LRFN2: variants seen among roughly 807,000 people sequenced by gnomAD.
The protein encoded by LRFN2 is leucine rich repeat and fibronectin type III domain containing 2.
A neutral mutation model predicts 37.3 loss-of-function variants in LRFN2; 18 were observed. That is an observed-to-expected ratio of 0.48 (90% CI 0.33 to 0.72). LRFN2 has a LOEUF of 0.72. Ranked by LOEUF, LRFN2 falls within the 30% of genes least tolerant of loss-of-function variation. LRFN2 has a pLI of 0.02. For synonymous variants in LRFN2, 556 were observed against 466.6 expected (o/e 1.19, Z -2.47); for missense variants, 1,006 against 1,060.7 (o/e 0.95, Z 0.72).
At chr6:40,428,935 C>G (rs962025090) in intron 2 of LRFN2, among the ~76,000 whole-genome samples, 1 of 152,124 alleles carries the variant, frequency 6.6e-6, no homozygotes, top group Non-Finnish European at 1.5e-5. Context: ...TGATGCTAGT[C>G]TTATTTTATA....
chr6:40,529,103 G>A (rs1242031947), intron 1 of LRFN2, among the ~76,000 whole-genome samples: 1 of 152,160 alleles, frequency 6.6e-6, no homozygotes, highest in Non-Finnish European at 1.5e-5. Flanking sequence ...AGATGCTTAA[G>A]GTCACTGCCC....
intron 2 of LRFN2, among the ~76,000 whole-genome samples, chr6:40,403,709 G>A (rs1762789161): frequency 6.6e-6 from 1 of 152,180 alleles, no homozygotes; most frequent in African/African-American, 2.4e-5. Context: ...CTCTGGGTCT[G>A]GGTGTCCTTC....
intron 1 of LRFN2, among the ~76,000 whole-genome samples, chr6:40,461,077 G>C (rs1764338140): frequency 6.6e-6 from 1 of 152,104 alleles, no homozygotes; most frequent in African/African-American, 2.4e-5. Flanking sequence ...CAAGCATCTG[G>C]AAACAGCATT....
intron 1 of LRFN2, among the ~76,000 whole-genome samples, chr6:40,560,656 T>C (rs1471693674): frequency 6.6e-6 from 1 of 152,172 alleles, no homozygotes; most frequent in Non-Finnish European, 1.5e-5. Context: ...CGGTTGGTCA[T>C]GGAATCAATG....
chr6:40,484,958 A>G (rs1764920419), intron 1 of LRFN2, among the ~76,000 whole-genome samples: 2 of 152,238 alleles, frequency 1.3e-5, no homozygotes, highest in South Asian at 4.1e-4. Context: ...GAGTTCAAAT[A>G]TAGAGTCAAA....
chr6:40,403,320 A>AG (rs5875717), intron 2 of LRFN2, among the ~76,000 whole-genome samples: 147,954 of 152,234 alleles, frequency 0.97, 72,023 homozygotes, highest in East Asian at 1. Flanking sequence ...TAATGGGGGA[A>AG]GCACATGTCT....
At chr6:40,536,368 A>G (rs897922973) in intron 1 of LRFN2, among the ~76,000 whole-genome samples, 1 of 152,198 alleles carries the variant, frequency 6.6e-6, no homozygotes, top group Admixed American at 6.5e-5. Context: ...AGTCTGAGAG[A>G]AGAGTCAAAG....
At chr6:40,396,078 T>C (rs1762608518) in intron 2 of LRFN2, among the ~76,000 whole-genome samples, 1 of 107,586 alleles carries the variant, frequency 9.3e-6, no homozygotes, top group African/African-American at 3.4e-5. Context: ...CTACTACTAA[T>C]AGCAACAAAA....
intron 1 of LRFN2, among the ~76,000 whole-genome samples, chr6:40,484,151 C>T (rs552254215): frequency 3.0e-4 from 45 of 152,284 alleles, no homozygotes; most frequent in Admixed American, 3.3e-4. Flanking sequence ...GAGACAGTAC[C>T]AACTGCCTCC....
chr6:40,550,390 G>A (rs1358061440), intron 1 of LRFN2, among the ~76,000 whole-genome samples: 1 of 152,184 alleles, frequency 6.6e-6, no homozygotes, highest in Non-Finnish European at 1.5e-5. Context: ...ACATTGTCAA[G>A]CCTGGCTGGC....
chr6:40,456,054 C>T (rs1214177652), intron 1 of LRFN2, among the ~76,000 whole-genome samples: 5 of 152,080 alleles, frequency 3.3e-5, no homozygotes, highest in African/African-American at 7.2e-5. Context: ...AGGAGAGACC[C>T]GCAGGTTGAC....
At chr6:40,461,576 C>A (rs185515295) in intron 1 of LRFN2, among the ~76,000 whole-genome samples, 159 of 147,134 alleles carry the variant, frequency 1.1e-3, no homozygotes, top group African/African-American at 3.6e-3. Flanking sequence ...CCAGCCACCC[C>A]CCTCCCCCCG....
intron 1 of LRFN2, among the ~76,000 whole-genome samples, chr6:40,503,794 G>C (rs1212160347): frequency 1.3e-5 from 2 of 152,126 alleles, no homozygotes; most frequent in African/African-American, 2.4e-5. Context: ...GACGAGGTTG[G>C]TGGTAGAGTC....
intron 1 of LRFN2, among the ~76,000 whole-genome samples, chr6:40,534,088 A>G (rs1020868759): frequency 3.9e-5 from 6 of 152,234 alleles, no homozygotes; most frequent in Non-Finnish European, 7.3e-5. Context: ...CCACAGGGAC[A>G]CAGCTGGTCA....
intron 1 of LRFN2, among the ~76,000 whole-genome samples, chr6:40,503,850 G>A (rs532854447): frequency 7.2e-5 from 11 of 152,108 alleles, no homozygotes; most frequent in South Asian, 2.1e-4. Context: ...TACTATGCTC[G>A]TTGGATGTAA....
intron 1 of LRFN2, among the ~76,000 whole-genome samples, chr6:40,465,871 T>G (rs1269953670): frequency 1.3e-5 from 2 of 152,104 alleles, no homozygotes; most frequent in Non-Finnish European, 2.9e-5. Flanking sequence ...ACTGCTGCCC[T>G]CAGGTAAGTT....
At chr6:40,513,329 A>G (rs1026560362) in intron 1 of LRFN2, among the ~76,000 whole-genome samples, 7 of 151,292 alleles carry the variant, frequency 4.6e-5, no homozygotes, top group Admixed American at 1.3e-4. Flanking sequence ...TGCCTCCCGG[A>G]TTCAAGCAAC....
intron 1 of LRFN2, among the ~76,000 whole-genome samples, chr6:40,529,509 G>A (rs1581780338): frequency 2.0e-5 from 3 of 152,320 alleles, no homozygotes; most frequent in South Asian, 4.1e-4. Context: ...AAATCAAATG[G>A]AATATAGAAA....
intron 1 of LRFN2, among the ~76,000 whole-genome samples, chr6:40,467,189 A>AT (rs764677802): frequency 6.6e-6 from 1 of 150,838 alleles, no homozygotes; most frequent in Non-Finnish European, 1.5e-5. Flanking sequence ...GATGATGATG[A>AT]TGATGATGAT....
Sources: gnomAD v4.1 joint callset for allele counts (sites outside exome capture counted in the v4.1 genomes callset) on GRCh38, gnomAD v4.1.1 for gene constraint, MANE v1.5 for transcripts, NCBI Gene and HGNC (gene_info 2026-07-23, HGNC 2026-07-21) for gene names.